ERC2: variants seen among roughly 807,000 people sequenced by gnomAD.
ERC2 encodes the protein ELKS/RAB6-interacting/CAST family member 2.
In ERC2, 42 loss-of-function variants were observed where a neutral mutation model predicts 114.8. The observed-to-expected ratio is 0.37, with a 90% CI of 0.29 to 0.47. ERC2 has a LOEUF of 0.47. ERC2 is among the 20% of genes least tolerant of loss of function. The pLI is 0.99. For missense variants in ERC2, 939 were observed against 1,150.7 expected (o/e 0.82, Z 2.66); for synonymous variants, 454 against 425.5 (o/e 1.07, Z -0.82).
chr3:56,407,791 T>C (rs967172512), intron 2 of ERC2, among the ~76,000 whole-genome samples: 3 of 152,144 alleles, frequency 2.0e-5, no homozygotes, highest in Non-Finnish European at 4.4e-5. Context: ...GGGACCCCCC[T>C]GGAACACGAC....
At chr3:56,409,517 G>GAAAAAA (rs558292657) in intron 2 of ERC2, among the ~76,000 whole-genome samples, 1 of 77,674 alleles carries the variant, frequency 1.3e-5, no homozygotes. Context: ...AAGCTAGACA[G>GAAAAAA]AAAAAAAAAA....
At chr3:56,000,857 A>G (rs2071991654) in intron 10 of ERC2, among the ~76,000 whole-genome samples, 1 of 151,666 alleles carries the variant, frequency 6.6e-6, no homozygotes, top group African/African-American at 2.4e-5. Flanking sequence ...GTTTGAGACC[A>G]GTCTTAGGCA....
rs58311179 is a variant in ERC2, at chr3:55,733,542, T to TCACACACACACACACA, written c.2712+1213_2712+1228dup. The stretch of plus-strand genomic sequence containing the variant: ...CTGTCTCTCATTCTTTCTCTCTCTC[T>TCACACACACACACACA]CACACACACACACACACACACACAC... On this transcript the variant is annotated intron_variant, in intron 15 of 17. Transcript: ENST00000288221. Among the ~76,000 whole-genome samples, 54 of 107,882 alleles carry TCACACACACACACACA rather than the reference T, an allele frequency of 5.0e-4. 6 individuals are homozygous for TCACACACACACACACA. The highest frequency in any genetic ancestry group is 7.9e-4 in the South Asian group (2 of 2,530). 70.8% of individuals were successfully genotyped at this position (107,882 alleles called of 152,430 possible).
intron 2 of ERC2, among the ~76,000 whole-genome samples, chr3:56,302,462 G>A (rs1376307090): frequency 6.6e-6 from 1 of 152,182 alleles, no homozygotes; most frequent in East Asian, 1.9e-4. Flanking sequence ...GAATTAGACT[G>A]TGTAAATATT....
At chr3:56,012,828 A>G (rs1472877658) in intron 8 of ERC2, among the ~76,000 whole-genome samples, 1 of 152,232 alleles carries the variant, frequency 6.6e-6, no homozygotes, top group African/African-American at 2.4e-5. Flanking sequence ...GCCCTAATAT[A>G]CCATGATGTA....
chr3:55,826,198 C>T (rs1281870985), intron 14 of ERC2, among the ~76,000 whole-genome samples: 1 of 152,168 alleles, frequency 6.6e-6, no homozygotes. Flanking sequence ...GGATGGCAAA[C>T]ACCAGCACAC....
At position 55,950,410 on chromosome 3, in the gene ERC2, G is replaced by A. The variant is rs1576326940; in HGVS notation, c.2403+15C>T. ...TCTAGTTATTTAGCGATTAAGAAGA[G>A]AAGCCTGTGCTTACCTGCAAATGCT... On this transcript the variant is annotated intron_variant, in intron 13 of 17. Coordinates refer to ENST00000288221, the MANE Select transcript of ERC2 (RefSeq NM_015576.3). 1 of 1,613,350 alleles carries A rather than the reference G, an allele frequency of 6.2e-7. No homozygotes were observed. Among genetic ancestry groups the A allele is most frequent in the Non-Finnish European group, 8.5e-7 (1 of 1,179,618 alleles).
At chr3:56,424,669 T>C (rs1327160906) in intron 2 of ERC2, among the ~76,000 whole-genome samples, 1 of 152,214 alleles carries the variant, frequency 6.6e-6, no homozygotes, top group Non-Finnish European at 1.5e-5. Flanking sequence ...CATTTAAAAT[T>C]GTAGTTTCCA....
At chr3:55,824,749 A>C (rs535011592) in intron 14 of ERC2, among the ~76,000 whole-genome samples, 2 of 152,338 alleles carry the variant, frequency 1.3e-5, no homozygotes, top group East Asian at 3.9e-4. Context: ...TGCATTTTTA[A>C]TAAGCCTATA....
At chr3:55,956,097 G>A (rs2067935585) in intron 12 of ERC2, among the ~76,000 whole-genome samples, 2 of 152,184 alleles carry the variant, frequency 1.3e-5, no homozygotes. Flanking sequence ...ATCATGTCTT[G>A]TGCAATATTG....
At chr3:55,895,654 A>C (rs1271697136) in intron 13 of ERC2, among the ~76,000 whole-genome samples, 1 of 152,122 alleles carries the variant, frequency 6.6e-6, no homozygotes, top group Non-Finnish European at 1.5e-5. Context: ...TCTTCTTTGC[A>C]AGCCCCTTCA....
chr3:55,532,538 A>G (rs572931031), intron 17 of ERC2, among the ~76,000 whole-genome samples: 1 of 152,240 alleles, frequency 6.6e-6, no homozygotes, highest in African/African-American at 2.4e-5. Flanking sequence ...TGTCAAGTAC[A>G]GTTTCTAAGG....
chr3:55,931,159 G>A (rs2066057910), intron 13 of ERC2, among the ~76,000 whole-genome samples: 3 of 152,220 alleles, frequency 2.0e-5, no homozygotes, highest in Admixed American at 1.3e-4. Flanking sequence ...TGGTGAGAGT[G>A]TAAATTAGTT....
chr3:55,808,729 ATATATATAT>A (rs2059592772), intron 14 of ERC2, among the ~76,000 whole-genome samples: 1 of 115,398 alleles, frequency 8.7e-6, no homozygotes, highest in Non-Finnish European at 1.8e-5. Flanking sequence ...ATATATATAT[ATATATATAT>A]ATATAACGTA....
intron 3 of ERC2, among the ~76,000 whole-genome samples, chr3:56,190,743 T>G (rs1575755135): frequency 6.6e-6 from 1 of 152,022 alleles, no homozygotes; most frequent in Admixed American, 6.6e-5. Flanking sequence ...CCAGATAATT[T>G]TTTTTATTTT....
rs146507273 is a variant in ERC2, at chr3:56,101,229, C to T, written c.1474-20245G>A. Among the ~76,000 whole-genome samples, 373 of 152,262 alleles carry T rather than the reference C, an allele frequency of 2.4e-3. 3 individuals are homozygous for T. Among genetic ancestry groups the T allele is most frequent in the African/African-American group, 8.3e-3 (344 of 41,562 alleles). ...CTGGTGCGCCTCCAGCCTGCACCTCCGTAACTCATATCACACCTCAGGAAA... is the reference window on the plus strand; with the variant it reads ...CTGGTGCGCCTCCAGCCTGCACCTCTGTAACTCATATCACACCTCAGGAAA... On this transcript the variant is annotated intron_variant, in intron 6 of 17. Transcript: ENST00000288221.
chr3:55,739,426 T>G (rs544909418), intron 14 of ERC2, among the ~76,000 whole-genome samples: 1 of 152,162 alleles, frequency 6.6e-6, no homozygotes, highest in African/African-American at 2.4e-5. Context: ...CATCTGTTGT[T>G]TCCTGACTTT....
At chr3:56,090,591 ATACT>A (rs1263839512) in intron 6 of ERC2, among the ~76,000 whole-genome samples, 2 of 152,164 alleles carry the variant, frequency 1.3e-5, no homozygotes, top group African/African-American at 4.8e-5. Flanking sequence ...AAGAACTTAA[ATACT>A]TAAATAAAAG....
At chr3:56,418,723 T>C (rs2061269032) in intron 2 of ERC2, among the ~76,000 whole-genome samples, 1 of 152,146 alleles carries the variant, frequency 6.6e-6, no homozygotes, top group African/African-American at 2.4e-5. Context: ...TGTAGTTAGG[T>C]GGGTACACTA....
Sources: gnomAD v4.1 joint callset for allele counts (sites outside exome capture counted in the v4.1 genomes callset) on GRCh38, gnomAD v4.1.1 for gene constraint, MANE v1.5 for transcripts, NCBI Gene and HGNC (gene_info 2026-07-23, HGNC 2026-07-21) for gene names.